CCDC106: variants seen among roughly 807,000 people sequenced by gnomAD.
CCDC106 encodes coiled-coil domain containing 106.
In CCDC106, 17 loss-of-function variants were observed where a neutral mutation model predicts 24.7. The observed-to-expected ratio is 0.69, with a 90% CI of 0.47 to 1.03. The LOEUF (loss-of-function observed/expected upper bound fraction) is 1.03, where lower values mean the gene tolerates loss of function less well. Among genes scored for constraint, CCDC106 ranks in the 50% least tolerant of loss-of-function variants. CCDC106 has a pLI of 0.00. For missense variants in CCDC106, 337 were observed against 388.9 expected (o/e 0.87, Z 1.12); for synonymous variants, 211 against 161.3 (o/e 1.31, Z -2.34).
At chr19:55,651,232 G>C (rs756970242) in intron 3 of CCDC106, 51 bp from the exon 4 acceptor site, 1 of 1,402,646 alleles carries the variant, frequency 7.1e-7, no homozygotes, top group South Asian at 1.2e-5. Flanking sequence ...CCCGGGACCT[G>C]TGATGGGATG....
Position 55,652,585 on chromosome 19 carries a change from G to GA in CCDC106, c.683dup (p.Lys229GlufsTer95), listed in dbSNP as rs1425704203. On this transcript the variant is annotated frameshift_variant, in exon 5 of 5. Coordinates refer to ENST00000586790, the MANE Select transcript of CCDC106 (RefSeq NM_001370470.1). LOFTEE classifies it high-confidence loss of function. This position sits in a 1 kb window ranked among gnomAD's most constrained non-coding sequence, Gnocchi z 5.9. ...CGCCGAGCTGCTCATTGTGGCCCCC[G>GA]AGAAGCTGGCCGAGGTGGGCGAGTT... The GA allele has an allele frequency of 6.2e-7, 1 of 1,613,358 alleles. No individual in the cohort carries two copies. The highest frequency in any genetic ancestry group is 8.5e-7 in the Non-Finnish European group (1 of 1,179,916).
chr19:55,652,440 C>A lies in CCDC106; in HGVS notation c.537C>A (p.Ala179=), dbSNP rs769611411. Reference sequence around the variant, plus strand: ...GCCTCCACCCCTCAGTGAAGGACGCCGACGGGGTCCTCTGCCGGTACAAGA... The same window carrying A: ...GCCTCCACCCCTCAGTGAAGGACGCAGACGGGGTCCTCTGCCGGTACAAGA... The part of the protein sequence containing the change: ...KARERQRVKD[A]DGVLCRYKKI... Residue 179 remains alanine, a synonymous_variant, in exon 5 of 5, where the codon GCC becomes GCA. Coordinates refer to ENST00000586790, the MANE Select transcript of CCDC106 (RefSeq NM_001370470.1). The surrounding 1 kb of genome is among the most constrained non-coding windows in gnomAD (Gnocchi z 5.9). The A allele has an allele frequency of 6.3e-7, 1 of 1,599,766 alleles. No individual in the cohort carries two copies. Among genetic ancestry groups the A allele is most frequent in the Admixed American group, 1.7e-5 (1 of 59,222 alleles).
At position 55,649,388 on chromosome 19, in the gene CCDC106, C is replaced by T. The variant is rs550542661; in HGVS notation, c.137-20C>T. The stretch of plus-strand genomic sequence containing the variant: ...GTCCCAGGGTGTGACCTGGTCCCCC[C>T]ACCCTCGCTGTGTCCCTAGAGCCTC... On this transcript the variant is annotated intron_variant, in intron 2 of 4. Coordinates refer to ENST00000586790, the MANE Select transcript of CCDC106 (RefSeq NM_001370470.1). 3 of 1,613,848 alleles carry T rather than the reference C, an allele frequency of 1.9e-6. No individual in the cohort carries two copies. The highest frequency in any genetic ancestry group is 3.3e-5 in the Admixed American group (2 of 60,008).
chr19:55,649,829 C>G (rs966186078), intron 3 of CCDC106, among the ~76,000 whole-genome samples: 58 of 152,298 alleles, frequency 3.8e-4, no homozygotes, highest in African/African-American at 1.3e-3. Flanking sequence ...TCCCCAAATC[C>G]CATCAGCCTC....
chr19:55,649,151 G>A, intron 1 of CCDC106, 54 bp from the exon 2 acceptor site: 2 of 1,608,750 alleles, frequency 1.2e-6, no homozygotes, highest in Non-Finnish European at 1.7e-6. Flanking sequence ...GTTGGGGGGT[G>A]GCCTGAGAGG....
rs1983426012 is a variant in CCDC106 at position 55,652,883 on chromosome 19, A to G, written c.*137A>G. 1 of 765,770 alleles carries G rather than the reference A, an allele frequency of 1.3e-6. No individual in the cohort carries two copies. The highest frequency in any genetic ancestry group is 2.0e-6 in the Non-Finnish European group (1 of 488,088). The allele number at this position is 765,770 out of a possible 1,614,324, so 47.4% of individuals were successfully genotyped here. ...GGGGGCTCCCTTAGCCGGGCCCCCA[A>G]GCGCGACGGCCCCGGACCGGCCGCG... On this transcript the variant is annotated 3_prime_UTR_variant, in exon 5 of 5. Transcript: ENST00000586790. This position sits in a 1 kb window ranked among gnomAD's most constrained non-coding sequence, Gnocchi z 5.9.
chr19:55,651,482 G>A lies in CCDC106; in HGVS notation c.513G>A (p.Arg171=). The A allele has an allele frequency of 6.3e-7, 1 of 1,580,076 alleles. No homozygotes were observed. The highest frequency in any genetic ancestry group is 8.6e-7 in the Non-Finnish European group (1 of 1,164,192). Residue 171 remains arginine, a synonymous_variant, in exon 4 of 5, where the codon CGG becomes CGA. Transcript: ENST00000586790. ...SRRRFGKPKA[R]ERQRVKDADG... ...GGCGCTTTGGGAAGCCCAAGGCCCGGGAGAGGCAGCGAGGTGAGTGGGGTG... is the reference window on the plus strand; with the variant it reads ...GGCGCTTTGGGAAGCCCAAGGCCCGAGAGAGGCAGCGAGGTGAGTGGGGTG...
chr19:55,649,165 G>T (rs565120879), intron 1 of CCDC106, 40 bp from the exon 2 acceptor site: 1 of 1,606,860 alleles, frequency 6.2e-7, no homozygotes, highest in South Asian at 1.1e-5. Flanking sequence ...TGAGAGGCCC[G>T]GGGAATTCTC....
rs1247004287 is a variant in CCDC106 at position 55,648,727 on chromosome 19, G to A, written c.-320G>A. The stretch of plus-strand genomic sequence containing the variant: ...CCCCTTGGGGCACCCAGCAATTTAG[G>A]GCTTCAGCTTCCTTTTCCTTCGATA... On this transcript the variant is annotated 5_prime_UTR_variant, in exon 1 of 5. Coordinates refer to ENST00000586790, the MANE Select transcript of CCDC106 (RefSeq NM_001370470.1). 2.1e-6 allele frequency: 1 copy of A among 471,656 alleles called. No homozygotes were observed. Among genetic ancestry groups the A allele is most frequent in the African/African-American group, 2.0e-5 (1 of 50,920 alleles). The allele number at this position is 471,656 out of a possible 1,614,324, so 29.2% of individuals were successfully genotyped here. A position where few individuals can be genotyped will look rare whatever the true frequency, so the allele number is the denominator to read the frequency against.
chr19:55,652,579 GC>G lies in CCDC106; in HGVS notation c.681del (p.Glu228ArgfsTer173). The part of the protein sequence containing the change: ...TTPIAELLIV[A>X]PEKLAEVGEF... ...GCCCATCGCCGAGCTGCTCATTGTG[GC>G]CCCCGAGAAGCTGGCCGAGGTGGGC... is the stretch of plus-strand genomic sequence containing the variant. On this transcript the variant is annotated frameshift_variant, in exon 5 of 5. Transcript: ENST00000586790. LOFTEE classifies it high-confidence loss of function. The surrounding 1 kb of genome is among the most constrained non-coding windows in gnomAD (Gnocchi z 5.9). The G allele has an allele frequency of 6.2e-7, 1 of 1,613,372 alleles. No individual in the cohort carries two copies. Among genetic ancestry groups the G allele is most frequent in the Non-Finnish European group, 8.5e-7 (1 of 1,179,912 alleles).
In CCDC106 at chr19:55,651,477, G is replaced by A. The variant is rs757719247; in HGVS notation, c.508G>A (p.Ala170Thr). 3 of 1,583,498 alleles carry A rather than the reference G, an allele frequency of 1.9e-6. No homozygotes were observed. Among genetic ancestry groups the A allele is most frequent in the Non-Finnish European group, 2.6e-6 (3 of 1,166,080 alleles). Residue 170 changes from alanine to threonine, a missense_variant, in exon 4 of 5, where the codon GCC becomes ACC. Physicochemically the swap from Ala to Thr is moderately conservative, Grantham distance 58 (BLOSUM62 0). Around this residue, in one of 2 missense-constraint regions of CCDC106, gnomAD observed 234 missense variants for 236.5 expected, o/e 0.99. Coordinates refer to ENST00000586790, the MANE Select transcript of CCDC106 (RefSeq NM_001370470.1). ...TCGGAGGCGCTTTGGGAAGCCCAAG[G>A]CCCGGGAGAGGCAGCGAGGTGAGTG... ...ASRRRFGKPK[A>T]RERQRVKDAD...
At chr19:55,651,559 C>T in intron 4 of CCDC106, 64 bp downstream of exon 4, 1 of 1,140,636 alleles carries the variant, frequency 8.8e-7, no homozygotes, top group South Asian at 1.6e-5. Context: ...TGTGTCCTTC[C>T]CAGAGGTCCC....
In CCDC106 at chr19:55,652,912, C is replaced by G; in HGVS notation, c.*166C>G. ...CGACGGCCCCGGACCGGCCGCGGCCCCTTCCCGAACGCCGGCACCCCCTTC... is the reference window on the plus strand; with the variant it reads ...CGACGGCCCCGGACCGGCCGCGGCCGCTTCCCGAACGCCGGCACCCCCTTC... On this transcript the variant is annotated 3_prime_UTR_variant, in exon 5 of 5. Transcript: ENST00000586790. The surrounding 1 kb of genome is among the most constrained non-coding windows in gnomAD (Gnocchi z 5.9). The G allele has an allele frequency of 1.6e-6, 1 of 617,190 alleles. No individual in the cohort carries two copies. Among genetic ancestry groups the G allele is most frequent in the Non-Finnish European group, 2.8e-6 (1 of 358,534 alleles). 38.2% of individuals were successfully genotyped at this position (617,190 alleles called of 1,614,324 possible). A position where few individuals can be genotyped will look rare whatever the true frequency, so the allele number is the denominator to read the frequency against.
At chr19:55,647,890 A>G (rs1600054250), upstream of CCDC106, 1 of 151,536 alleles carries the variant, frequency 6.6e-6, no homozygotes, top group Non-Finnish European at 1.5e-5. Context: ...CATTGGGCAC[A>G]CCGCCACCCA....
chr19:55,651,587 C>T (rs926812562), intron 4 of CCDC106, 92 bp downstream of exon 4: 8 of 894,682 alleles, frequency 8.9e-6, no homozygotes, highest in African/African-American at 8.4e-5. Flanking sequence ...CTCCAAGCCC[C>T]TCCAGCCTTG....
In CCDC106 at chr19:55,652,963, C is replaced by T. The variant is rs564508957; in HGVS notation, c.*217C>T. ...CGCTTGGGCTGCCCAGCCCTGTCCT[C>T]GCCGGGCCCCTTCCTCCTGGAAAAC... On this transcript the variant is annotated 3_prime_UTR_variant, in exon 5 of 5. Coordinates refer to ENST00000586790, the MANE Select transcript of CCDC106 (RefSeq NM_001370470.1). The surrounding 1 kb of genome is among the most constrained non-coding windows in gnomAD (Gnocchi z 5.9). 5.6e-6 allele frequency: 3 copies of T among 535,314 alleles called. No individual in the cohort carries two copies. Among genetic ancestry groups the T allele is most frequent in the East Asian group, 3.3e-5 (1 of 30,492 alleles). 33.2% of individuals were successfully genotyped at this position (535,314 alleles called of 1,614,324 possible). A position where few individuals can be genotyped will look rare whatever the true frequency, so the allele number is the denominator to read the frequency against.
intron 1 of CCDC106, 43 bp downstream of exon 1, chr19:55,649,120 G>C (rs1291505250): frequency 6.2e-7 from 1 of 1,612,580 alleles, no homozygotes; most frequent in East Asian, 2.2e-5. Context: ...GTCCCAGTGC[G>C]GTCGGCTCCA....
chr19:55,649,671 T>C (rs1983111516), intron 3 of CCDC106, 87 bp downstream of exon 3: 6 of 1,333,614 alleles, frequency 4.5e-6, no homozygotes, highest in South Asian at 1.4e-5. Context: ...ACTGTTTGGC[T>C]GGCTGGGTGG....
chr19:55,650,887 G>A (rs1436928410), intron 3 of CCDC106, among the ~76,000 whole-genome samples: 2 of 152,078 alleles, frequency 1.3e-5, no homozygotes. Flanking sequence ...GATTTCTCTC[G>A]GTCTGACCCC....
Sources: allele counts gnomAD v4.1 joint callset (sites outside exome capture counted in the v4.1 genomes callset), GRCh38; gene constraint gnomAD v4.1.1; regional missense constraint gnomAD v4.1.1; non-coding constraint Gnocchi (gnomAD v3.1); transcripts MANE v1.5; gene names NCBI Gene and HGNC (gene_info 2026-07-23, HGNC 2026-07-21).